Variants in TOPORS observed in about 807,000 individuals in gnomAD.
The protein encoded by TOPORS is E3 ubiquitin-protein ligase Topors.
TOPORS carries 25 observed loss-of-function variants against 81.4 expected under a neutral mutation model. That is an observed-to-expected ratio of 0.31 (90% confidence interval 0.22 to 0.43). The LOEUF is 0.43. Ranked by LOEUF, TOPORS falls within the 20% of genes least tolerant of loss-of-function variation. The pLI is 1.00. For missense variants in TOPORS, 1,101 were observed against 1,267.0 expected (o/e 0.87, Z 1.99); for synonymous variants, 473 against 456.6 (o/e 1.04, Z -0.46).
rs751258105 is a variant in TOPORS, at chr9:32,541,457, G to T, written c.3068C>A (p.Ser1023Ter). The stretch of plus-strand genomic sequence containing the variant: ...TGTCCGTGGCGATGGCAATTGCCTT[G>T]ATGGCTCAGTTTGAAGAGACACAAT... ...SNIVSLQTEP[S>*]RQLPSPRTSL... Residue 1023 changes from serine to a stop codon, truncating the protein, a stop_gained, in exon 3 of 3, where the codon TCA (serine) becomes TAA (stop). Transcript: ENST00000360538. LOFTEE classifies it high-confidence loss of function. 1.2e-6 allele frequency: 2 copies of T among 1,614,176 alleles called. No homozygotes were observed. Among genetic ancestry groups the T allele is most frequent in the Non-Finnish European group, 1.7e-6 (2 of 1,180,028 alleles).
chr9:32,544,833 CAA>C (rs1313435096), intron 2 of TOPORS, among the ~76,000 whole-genome samples: 1 of 151,774 alleles, frequency 6.6e-6, no homozygotes, highest in African/African-American at 2.4e-5. Context: ...CTCTAGAAAA[CAA>C]AAAACAAAAA....
rs1176754673 is a variant in TOPORS at position 32,552,522 on chromosome 9, G to A, written c.-86C>T. On this transcript the variant is annotated 5_prime_UTR_variant, in exon 1 of 3. Coordinates refer to ENST00000360538, the MANE Select transcript of TOPORS (RefSeq NM_005802.5). ...CGGGCCCCCACCGTGTCGACTCACT[G>A]GGCCCGCAGGCGGAAAGGCCCTATT... 6.5e-7 allele frequency: 1 copy of A among 1,548,908 alleles called. No homozygotes were observed. The highest frequency in any genetic ancestry group is 8.8e-7 in the Non-Finnish European group (1 of 1,139,724).
intron 2 of TOPORS, among the ~76,000 whole-genome samples, chr9:32,546,732 C>A (rs1398183929): frequency 6.6e-6 from 1 of 152,080 alleles, no homozygotes; most frequent in Non-Finnish European, 1.5e-5. Context: ...TGAAACCTTA[C>A]CCTTCCCTTC....
At position 32,548,071 on chromosome 9, in the gene TOPORS, C is replaced by T. The variant is rs543327494; in HGVS notation, c.198+2703G>A. On this transcript the variant is annotated intron_variant, in intron 2 of 2. Transcript: ENST00000360538. ...TTCACCGTGTTAGCCAGGATGGTCTCGATCTCCTGACCTTGAGATCCGCCC... is the reference window on the plus strand; with the variant it reads ...TTCACCGTGTTAGCCAGGATGGTCTTGATCTCCTGACCTTGAGATCCGCCC... Among the ~76,000 whole-genome samples the T allele has an allele frequency of 4.9e-5, 7 of 141,432 alleles. No individual in the cohort carries two copies. In the East Asian group the frequency reaches 8.4e-4, roughly 17 times the overall value. 92.8% of individuals were successfully genotyped at this position (141,432 alleles called of 152,430 possible). A position where few individuals can be genotyped will look rare whatever the true frequency, so the allele number is the denominator to read the frequency against.
chr9:32,550,407 T>C (rs1821214334), intron 2 of TOPORS, among the ~76,000 whole-genome samples: 1 of 152,352 alleles, frequency 6.6e-6, no homozygotes, highest in Middle Eastern at 3.4e-3. Flanking sequence ...AATATTGTTA[T>C]TCCCATTTTA....
In TOPORS at chr9:32,543,017, T is replaced by A; in HGVS notation, c.1508A>T (p.Asp503Val). 1 of 1,614,190 alleles carries A rather than the reference T, an allele frequency of 6.2e-7. No homozygotes were observed. The highest frequency in any genetic ancestry group is 8.5e-7 in the Non-Finnish European group (1 of 1,180,026). ...ELVELSSDSE[D>V]LGSYEKMETV... is the part of the protein sequence containing the mutation. The stretch of plus-strand genomic sequence containing the variant: ...CTCCATTTTCTCATAAGAACCTAAG[T>A]CCTCAGAATCAGAGGACAGTTCAAC... Residue 503 changes from aspartate (D) to valine (V), a missense_variant, in exon 3 of 3, where the codon GAC (aspartate) becomes GTC (valine). Transcript: ENST00000360538. The surrounding 1 kb of genome is among the most constrained non-coding windows in gnomAD (Gnocchi z 5.6).
rs1258288626 is a variant in TOPORS, at chr9:32,541,359, T to A, written c.*28A>T. 2 of 1,611,478 alleles carry A rather than the reference T, an allele frequency of 1.2e-6. No homozygotes were observed. Among genetic ancestry groups the A allele is most frequent in the Non-Finnish European group, 1.7e-6 (2 of 1,177,780 alleles). On this transcript the variant is annotated 3_prime_UTR_variant, in exon 3 of 3. Transcript: ENST00000360538. ...TTCCTTTTTCCTTTTTATAACATCA[T>A]AATTCTCAATGAAATGCTTTGGCAG... is the stretch of plus-strand genomic sequence containing the variant.
At chr9:32,548,542 C>A (rs1253395674) in intron 2 of TOPORS, among the ~76,000 whole-genome samples, 1 of 152,020 alleles carries the variant, frequency 6.6e-6, no homozygotes, top group African/African-American at 2.4e-5. Flanking sequence ...CAAACACACA[C>A]ACACACACAA....
intron 2 of TOPORS, among the ~76,000 whole-genome samples, chr9:32,550,494 T>C (rs1821215959): frequency 6.6e-6 from 1 of 152,098 alleles, no homozygotes; most frequent in Non-Finnish European, 1.5e-5. Flanking sequence ...TTCAGTCTCA[T>C]TGCTTTTTTG....
Position 32,550,811 on chromosome 9 carries a change from G to A in TOPORS, c.161C>T (p.Ala54Val), listed in dbSNP as rs755171646. Residue 54 changes from alanine to valine, a missense_variant, in exon 2 of 3, where the codon GCG becomes GTG. Physicochemically the swap from Ala to Val is moderately conservative, Grantham distance 64. Coordinates refer to ENST00000360538, the MANE Select transcript of TOPORS (RefSeq NM_005802.5). The part of the protein sequence containing the change: ...PSFLGCRELA[A>V]SAPARPAPAS... ...CGGCGCAGGCCTGGCTGGGGCGCTC[G>A]CCGCGAGCTCCCGGCAGCCCAGAAA... 2 of 1,612,568 alleles carry A rather than the reference G, an allele frequency of 1.2e-6. No homozygotes were observed. Among genetic ancestry groups the A allele is most frequent in the Non-Finnish European group, 1.7e-6 (2 of 1,179,676 alleles).
chr9:32,542,211 G>T lies in TOPORS; in HGVS notation c.2314C>A (p.Leu772Met). 1 of 1,614,192 alleles carries T rather than the reference G, an allele frequency of 6.2e-7. No individual in the cohort carries two copies. The highest frequency in any genetic ancestry group is 1.7e-5 in the Admixed American group (1 of 60,024). Residue 772 changes from leucine to methionine, a missense_variant, in exon 3 of 3, where the codon CTG becomes ATG. Physicochemically the swap from Leu to Met is conservative, Grantham distance 15. This residue lies in a region of TOPORS where 605 missense variants were observed against 636.1 expected (regional missense o/e 0.95). Coordinates refer to ENST00000360538, the MANE Select transcript of TOPORS (RefSeq NM_005802.5). ...GCAGTCCTTGATCTGTTACTAGACA[G>T]GCTCCTTGATCTGTGCCTTTCATAG... The part of the protein sequence containing the change: ...YYYERHRSRS[L>M]SSNRSRTAST...
At chr9:32,546,581 A>G (rs958642551) in intron 2 of TOPORS, among the ~76,000 whole-genome samples, 2 of 152,362 alleles carry the variant, frequency 1.3e-5, no homozygotes, top group African/African-American at 4.8e-5. Flanking sequence ...TCTCTGAAAT[A>G]GAATTTTAGT....
intron 1 of TOPORS, 69 bp from the exon 2 acceptor site, chr9:32,551,037 G>C (rs1461658247): frequency 1.9e-6 from 3 of 1,547,866 alleles, no homozygotes; most frequent in Middle Eastern, 2.2e-4. Flanking sequence ...CCACCCCCCA[G>C]CTCCCGCGCA....
chr9:32,551,108 C>G, intron 1 of TOPORS, 140 bp from the exon 2 acceptor site: 1 of 1,073,836 alleles, frequency 9.3e-7, no homozygotes, highest in South Asian at 1.4e-5. Context: ...GCCTCGGGGG[C>G]GGGGCTCAGC....
At position 32,541,846 on chromosome 9, in the gene TOPORS, A is replaced by G. The variant is rs375514604; in HGVS notation, c.2679T>C (p.His893=). 91 of 1,614,054 alleles carry G rather than the reference A, an allele frequency of 5.6e-5. No homozygotes were observed. The African/African-American group carries it at 7.5e-4, about 13-fold the overall frequency. ...KKKKKKHKKK[H]KKHHGDNASR... is the part of the protein sequence containing the mutation. ...AAGCATTATCTCCATGGTGTTTCTTATGCTTCTTCTTATGTTTCTTCTTTT... is the reference window on the plus strand; with the variant it reads ...AAGCATTATCTCCATGGTGTTTCTTGTGCTTCTTCTTATGTTTCTTCTTTT... The change falls in exon 3 of 3, where the codon CAT becomes CAC. Residue 893 remains histidine (H), a synonymous_variant. Transcript: ENST00000360538.
chr9:32,551,682 G>C (rs761377057), intron 1 of TOPORS: 20 of 316,866 alleles, frequency 6.3e-5, no homozygotes, highest in Non-Finnish European at 9.7e-5. Context: ...AAACATTCTA[G>C]AGCTGAACCT....
In TOPORS at chr9:32,543,871, A is replaced by C; in HGVS notation, c.654T>G (p.Ile218Met). 6.2e-7 allele frequency: 1 copy of C among 1,614,180 alleles called. No homozygotes were observed. The highest frequency in any genetic ancestry group is 1.1e-5 in the South Asian group (1 of 91,084). Residue 218 changes from isoleucine (I) to methionine (M), a missense_variant, in exon 3 of 3, where the codon ATT becomes ATG. This residue lies in a region of TOPORS where 120 missense variants were observed against 115.4 expected (regional missense o/e 1.04). Coordinates refer to ENST00000360538, the MANE Select transcript of TOPORS (RefSeq NM_005802.5). This position sits in a 1 kb window ranked among gnomAD's most constrained non-coding sequence, Gnocchi z 5.6. ...TTTCAACATCTCTAGGTCTTGTTGA[A>C]ATGCCTAACCCTTCAAACAGTACTC... ...DSGVLFEGLG[I>M]STRPRDVEIP...
rs140211151 is a variant in TOPORS at position 32,542,232 on chromosome 9, C to T, written c.2293G>A (p.Glu765Lys). The change falls in exon 3 of 3, where the codon GAA becomes AAA. Residue 765 changes from glutamate (E) to lysine (K), a missense_variant. Around this residue, in one of 9 missense-constraint regions of TOPORS, gnomAD observed 605 missense variants for 636.1 expected, o/e 0.95. Coordinates refer to ENST00000360538, the MANE Select transcript of TOPORS (RefSeq NM_005802.5). ...NHSERKYYYY[E>K]RHRSRSLSSN... ...GACAGGCTCCTTGATCTGTGCCTTT[C>T]ATAGTAGTAATACTTCCTCTCACTG... is the stretch of plus-strand genomic sequence containing the variant. The T allele has an allele frequency of 8.7e-6, 14 of 1,614,086 alleles. No homozygotes were observed. The highest frequency in any genetic ancestry group is 1.3e-5 in the African/African-American group (1 of 74,940).
chr9:32,545,997 T>C (rs111991054), intron 2 of TOPORS, among the ~76,000 whole-genome samples: 2 of 152,186 alleles, frequency 1.3e-5, no homozygotes, highest in African/African-American at 4.8e-5. Flanking sequence ...TATTCCACCA[T>C]AGCTTTCATA....
Sources: gnomAD v4.1 joint callset for allele counts (sites outside exome capture counted in the v4.1 genomes callset) on GRCh38, gnomAD v4.1.1 for gene constraint, gnomAD v4.1.1 regional missense constraint, Gnocchi (gnomAD v3.1) non-coding constraint, MANE v1.5 for transcripts, NCBI Gene and HGNC (gene_info 2026-07-23, HGNC 2026-07-21) for gene names.